Variants in EWSR1 observed in about 807,000 individuals in gnomAD.
EWSR1 encodes EWS RNA binding protein 1.
EWSR1 carries 14 observed loss-of-function variants against 92.1 expected under a neutral mutation model. That is an observed-to-expected ratio of 0.15 (90% CI 0.10 to 0.24). The LOEUF (loss-of-function observed/expected upper bound fraction) is 0.24, where lower values mean the gene tolerates loss of function less well. Among genes scored for constraint, EWSR1 ranks in the 10% least tolerant of loss-of-function variants. The probability of loss-of-function intolerance (pLI) is 1.00; values close to 1 mark genes in which losing one functional copy is unlikely to be tolerated. For synonymous variants in EWSR1, 303 were observed against 292.9 expected, an observed-to-expected ratio of 1.03 and a Z score of -0.35; for missense variants, 637 against 870.9, an observed-to-expected ratio of 0.73 and a Z score of 3.38.
chr22:29,291,705 T>C (rs2060455475), intron 9 of EWSR1, 106 bp downstream of exon 9: 1 of 1,098,568 alleles, frequency 9.1e-7, no homozygotes, highest in African/African-American at 1.6e-5. Flanking sequence ...AAAAATGATC[T>C]ATACAAAAGA....
At chr22:29,281,991 T>C (rs1486657565) in intron 5 of EWSR1, among the ~76,000 whole-genome samples, 1 of 152,240 alleles carries the variant, frequency 6.6e-6, no homozygotes, top group East Asian at 1.9e-4. Flanking sequence ...AAACTTAACA[T>C]TATTGTTAGT....
intron 5 of EWSR1, among the ~76,000 whole-genome samples, chr22:29,280,706 T>A (rs131180): frequency 0.32 from 48,091 of 148,332 alleles, 9,333 homozygotes; most frequent in Admixed American, 0.47. Context: ...GGAGTTTTGC[T>A]CTTGTTGTCC....
At position 29,280,860 on chromosome 22, in the gene EWSR1, T is replaced by TG. The variant is rs1220277145; in HGVS notation, c.414-1530_414-1529insG. ...AGCTAATTTTGTGTGTGTGTGTGTGTTGTTTTTTTTTTTTTTTTTTTTTTT... is the reference window on the plus strand; with the variant it reads ...AGCTAATTTTGTGTGTGTGTGTGTGTGTGTTTTTTTTTTTTTTTTTTTTTTT... On this transcript the variant is annotated intron_variant, in intron 5 of 16. Coordinates refer to ENST00000397938, the MANE Select transcript of EWSR1 (RefSeq NM_005243.4). 2.1e-4 allele frequency among the ~76,000 whole-genome samples: 23 copies of TG among 108,108 alleles called. 2 individuals are homozygous for TG. In the East Asian group the frequency reaches 4.0e-3, roughly 19 times the overall value. The allele number at this position is 108,108 out of a possible 152,430, so 70.9% of individuals were successfully genotyped here.
chr22:29,283,527 G>C (rs2059780879), intron 6 of EWSR1, among the ~76,000 whole-genome samples: 1 of 150,682 alleles, frequency 6.6e-6, no homozygotes, highest in Non-Finnish European at 1.5e-5. Flanking sequence ...TTTTCTTTTT[G>C]TTTTATTGTT....
intron 11 of EWSR1, among the ~76,000 whole-genome samples, chr22:29,294,313 T>C (rs1214899722): frequency 2.0e-5 from 3 of 152,224 alleles, no homozygotes; most frequent in Non-Finnish European, 4.4e-5. Flanking sequence ...TGTATAGAAA[T>C]ACAGTTGATT....
intron 7 of EWSR1, 128 bp from the exon 8 acceptor site, chr22:29,288,478 C>T (rs547446126): frequency 4.0e-5 from 32 of 799,016 alleles, no homozygotes; most frequent in East Asian, 5.6e-5. Flanking sequence ...GATGCTTTAT[C>T]GTGATGTAAA....
In EWSR1 at chr22:29,292,155, C is replaced by T. The variant is rs1297641133; in HGVS notation, c.1031C>T (p.Pro344Leu). The part of the protein sequence containing the change: ...NKPGGPMDEG[P>L]DLDLGPPVDP... ...TTGGCAGGACCCATGGATGAAGGAC[C>T]AGATCTTGATCTAGGTAATTTTGAA... The change falls in exon 10 of 17, where the codon CCA (proline) becomes CTA (leucine). Residue 344 changes from proline to leucine, a missense_variant. By Grantham distance (98) the Pro-to-Leu change is moderately conservative. Coordinates refer to ENST00000397938, the MANE Select transcript of EWSR1 (RefSeq NM_005243.4). 6.2e-7 allele frequency: 1 copy of T among 1,613,968 alleles called. No individual in the cohort carries two copies. Among genetic ancestry groups the T allele is most frequent in the Non-Finnish European group, 8.5e-7 (1 of 1,179,892 alleles).
intron 6 of EWSR1, among the ~76,000 whole-genome samples, 178 bp from the exon 7 acceptor site, chr22:29,286,745 A>C (rs911887081): frequency 1.1e-4 from 17 of 149,702 alleles, no homozygotes; most frequent in African/African-American, 3.9e-4. Flanking sequence ...TTAATGTTTT[A>C]TTCTGAACAC....
rs1296424793 is a variant in EWSR1, at chr22:29,272,217, T to G, written c.15T>G (p.Asp5Glu). 6.2e-7 allele frequency: 1 copy of G among 1,613,998 alleles called. No individual in the cohort carries two copies. The change falls in exon 2 of 17, where the codon GAT (aspartate) becomes GAG (glutamate). Residue 5 changes from aspartate (D) to glutamate (E), a missense_variant and splice_region_variant. This residue lies in a region of EWSR1 where 144 missense variants were observed against 189.0 expected (regional missense o/e 0.76). Transcript: ENST00000397938. ...TTTTTCCTCCTTGTTTTCCTCTAGA[T>G]TACAGTACCTATAGCCAAGCTGCAG... Reference protein sequence around the residue: MASTDYSTYSQAAAQ... With the variant: MASTEYSTYSQAAAQ...
At chr22:29,281,020 C>T (rs1184315747) in intron 5 of EWSR1, among the ~76,000 whole-genome samples, 1 of 151,674 alleles carries the variant, frequency 6.6e-6, no homozygotes, top group Non-Finnish European at 1.5e-5. Flanking sequence ...GCTGGGACTA[C>T]AGGCACCCAC....
At chr22:29,277,230 A>G (rs2059190981) in intron 4 of EWSR1, 1 of 226,116 alleles carries the variant, frequency 4.4e-6, no homozygotes, top group African/African-American at 2.2e-5. Flanking sequence ...TTTACCTCCA[A>G]TATTGCTGAG....
At position 29,279,130 on chromosome 22, in the gene EWSR1, A is replaced by T. The variant is rs191450598; in HGVS notation, c.413+914A>T. Among the ~76,000 whole-genome samples the T allele has an allele frequency of 3.9e-5, 6 of 152,198 alleles. No homozygotes were observed. In the East Asian group the frequency reaches 1.2e-3, roughly 29 times the overall value. ...TTTAAACCCAGAAGAAGAGAGAGAG[A>T]GAGTGTGTGTGTGTGTGTTTTCACT... is the stretch of plus-strand genomic sequence containing the variant. On this transcript the variant is annotated intron_variant, in intron 5 of 16. Transcript: ENST00000397938.
intron 8 of EWSR1, 168 bp downstream of exon 8, chr22:29,288,954 A>G (rs2060246625): frequency 1.6e-6 from 1 of 635,390 alleles, no homozygotes; most frequent in African/African-American, 1.9e-5. Flanking sequence ...TGTGGCATAT[A>G]TTAAGTGGCA....
chr22:29,297,855 A>G lies in EWSR1; in HGVS notation c.1323A>G (p.Lys441=), dbSNP rs1602576850. The stretch of plus-strand genomic sequence containing the variant: ...AAGATTTTCAAGGGAGCAAACTTAA[A>G]GTCTCCCTTGCTCGGAAGAAGCCTC... ...DGKDFQGSKL[K]VSLARKKPPM... Residue 441 remains lysine, a synonymous_variant, in exon 13 of 17, where the codon AAA becomes AAG. Transcript: ENST00000397938. 1.2e-6 allele frequency: 2 copies of G among 1,614,042 alleles called. No homozygotes were observed. The highest frequency in any genetic ancestry group is 1.6e-4 in the Middle Eastern group (1 of 6,062).
rs766085643 is a variant in EWSR1, at chr22:29,297,821, T to C, written c.1295-6T>C. On this transcript the variant is annotated splice_region_variant and splice_polypyrimidine_tract_variant and intron_variant, in intron 12 of 16. Transcript: ENST00000397938. ...GAGTAATTGATGTTCTGTTGTCTTG[T>C]TCCAGGGAAAGATTTTCAAGGGAGC... The C allele has an allele frequency of 6.2e-7, 1 of 1,613,710 alleles. No homozygotes were observed. The highest frequency in any genetic ancestry group is 1.7e-5 in the Admixed American group (1 of 59,986).
chr22:29,298,085 A>G (rs1449328595), intron 13 of EWSR1, 136 bp downstream of exon 13: 3 of 1,046,968 alleles, frequency 2.9e-6, no homozygotes, highest in Non-Finnish European at 4.1e-6. Flanking sequence ...GCTAACAATG[A>G]ATGTTTGTTG....
chr22:29,280,843 T>G (rs141031975), intron 5 of EWSR1, among the ~76,000 whole-genome samples: 8,033 of 144,302 alleles, frequency 0.056, 381 homozygotes, highest in Non-Finnish European at 0.087. Flanking sequence ...CCAGCTAATT[T>G]TGTGTGTGTG....
At chr22:29,292,749 A>T (rs977315699) in intron 11 of EWSR1, 143 bp downstream of exon 11, 14 of 500,480 alleles carry the variant, frequency 2.8e-5, no homozygotes, top group Admixed American at 1.3e-4. Context: ...GTTCCTTTTT[A>T]AAAAAGATTA....
intron 8 of EWSR1, chr22:29,291,159 G>A: frequency 8.1e-6 from 2 of 248,348 alleles, no homozygotes; most frequent in Admixed American, 1.1e-4. Context: ...TCCCTTGGGA[G>A]AGGTTGAGGG....
Sources: allele counts gnomAD v4.1 joint callset (sites outside exome capture counted in the v4.1 genomes callset), GRCh38; gene constraint gnomAD v4.1.1; regional missense constraint gnomAD v4.1.1; transcripts MANE v1.5; gene names NCBI Gene and HGNC (gene_info 2026-07-23, HGNC 2026-07-21).